XIRP2: variants seen among roughly 807,000 people sequenced by gnomAD.
XIRP2 encodes xin actin binding repeat containing 2.
XIRP2 carries 236 observed loss-of-function variants against 277.0 expected under a neutral mutation model. The observed-to-expected ratio is 0.85, with a 90% CI of 0.77 to 0.95. XIRP2 has a LOEUF of 0.95. Among genes scored for constraint, XIRP2 ranks in the 40% least tolerant of loss-of-function variants. The pLI, the probability that XIRP2 is intolerant of heterozygous loss-of-function variation, is 0.00. For missense variants in XIRP2, 4,640 were observed against 4,157.5 expected (o/e 1.12, Z -3.19); for synonymous variants, 1,490 against 1,416.5 (o/e 1.05, Z -1.17).
intron 2 of XIRP2, among the ~76,000 whole-genome samples, chr2:167,029,804 G>A (rs1259495586): frequency 1.3e-5 from 2 of 152,056 alleles, no homozygotes; most frequent in Non-Finnish European, 2.9e-5. Flanking sequence ...TTGTACCTCT[G>A]GTAGAATTCG....
At chr2:167,121,312 T>C (rs1391496898) in intron 2 of XIRP2, among the ~76,000 whole-genome samples, 1 of 152,154 alleles carries the variant, frequency 6.6e-6, no homozygotes, top group African/African-American at 2.4e-5. Flanking sequence ...AGTATGATCG[T>C]TTGAATACAG....
chr2:167,230,699 C>T (rs1459221229), intron 5 of XIRP2, among the ~76,000 whole-genome samples: 1 of 152,040 alleles, frequency 6.6e-6, no homozygotes, highest in African/African-American at 2.4e-5. Flanking sequence ...TTGAAATCAA[C>T]ATGTAGAATG....
At chr2:167,176,867 A>T (rs1318034054) in intron 3 of XIRP2, among the ~76,000 whole-genome samples, 1 of 152,188 alleles carries the variant, frequency 6.6e-6, no homozygotes, top group Non-Finnish European at 1.5e-5. Context: ...CTCCTTTCAG[A>T]CTTCCAGAGA....
chr2:167,258,929 C>G lies in XIRP2; in HGVS notation c.*1112C>G, dbSNP rs758610656. 1 of 1,612,972 alleles carries G rather than the reference C, an allele frequency of 6.2e-7. No homozygotes were observed. Among genetic ancestry groups the G allele is most frequent in the African/African-American group, 1.3e-5 (1 of 74,832 alleles). On this transcript the variant is annotated 3_prime_UTR_variant, in exon 11 of 11. Coordinates refer to ENST00000409195, the MANE Select transcript of XIRP2 (RefSeq NM_152381.6). Reference sequence around the variant, plus strand: ...AGCAGCTGCTGGCAGTCCTGTGCAGCCTGCTCCAAAACCAAGCCTCAGCAG... The same window carrying G: ...AGCAGCTGCTGGCAGTCCTGTGCAGGCTGCTCCAAAACCAAGCCTCAGCAG...
At chr2:167,058,759 G>A (rs946579915) in intron 2 of XIRP2, among the ~76,000 whole-genome samples, 4 of 152,170 alleles carry the variant, frequency 2.6e-5, no homozygotes, top group African/African-American at 9.7e-5. Context: ...CCCCATTGAC[G>A]AAGGCAAGCA....
intron 1 of XIRP2, among the ~76,000 whole-genome samples, chr2:166,893,522 C>A (rs1396288142): frequency 6.6e-6 from 1 of 152,130 alleles, no homozygotes; most frequent in Non-Finnish European, 1.5e-5. Flanking sequence ...CACATGGCTA[C>A]ATCATTTCAT....
chr2:167,133,266 C>T (rs1691439186), intron 2 of XIRP2, among the ~76,000 whole-genome samples: 1 of 152,168 alleles, frequency 6.6e-6, no homozygotes, highest in Non-Finnish European at 1.5e-5. Context: ...GAGATTAAAG[C>T]AGATCACTGC....
chr2:167,192,358 T>C (rs1693371310), intron 3 of XIRP2, among the ~76,000 whole-genome samples: 1 of 152,188 alleles, frequency 6.6e-6, no homozygotes, highest in Non-Finnish European at 1.5e-5. Flanking sequence ...TCTCTGTCGT[T>C]GATTTTGTGT....
chr2:166,938,177 T>A (rs930208779), intron 2 of XIRP2, among the ~76,000 whole-genome samples: 10 of 152,206 alleles, frequency 6.6e-5, no homozygotes, highest in African/African-American at 1.9e-4. Context: ...GTTCTTTTAG[T>A]TGTGATGTTA....
At chr2:167,043,270 A>G (rs1313840816) in intron 2 of XIRP2, among the ~76,000 whole-genome samples, 1 of 152,134 alleles carries the variant, frequency 6.6e-6, no homozygotes, top group Non-Finnish European at 1.5e-5. Flanking sequence ...CACACATAGA[A>G]GAACTAGGAA....
chr2:167,092,168 C>T (rs946639354), intron 2 of XIRP2, among the ~76,000 whole-genome samples: 2 of 152,028 alleles, frequency 1.3e-5, no homozygotes, highest in African/African-American at 2.4e-5. Context: ...AAGTAAATTC[C>T]GAATTAGTTC....
chr2:167,210,599 A>G (rs549842981), intron 3 of XIRP2, 136 bp from the exon 4 acceptor site: 1 of 1,194,052 alleles, frequency 8.4e-7, no homozygotes, highest in African/African-American at 1.5e-5. Context: ...TGACCATGAG[A>G]CATTGAAAAT....
chr2:167,057,763 C>T (rs1242972973), intron 2 of XIRP2, among the ~76,000 whole-genome samples: 1 of 152,056 alleles, frequency 6.6e-6, no homozygotes, highest in Non-Finnish European at 1.5e-5. Flanking sequence ...TCTGCTTGGT[C>T]AGAAGTAAAG....
intron 3 of XIRP2, among the ~76,000 whole-genome samples, chr2:167,160,854 G>A (rs1232278805): frequency 2.0e-5 from 3 of 152,150 alleles, no homozygotes; most frequent in Non-Finnish European, 4.4e-5. Context: ...ACAATCCAAA[G>A]TCTCATCTGA....
chr2:167,053,538 A>G (rs939338735), intron 2 of XIRP2, among the ~76,000 whole-genome samples: 1 of 152,152 alleles, frequency 6.6e-6, no homozygotes, highest in Non-Finnish European at 1.5e-5. Flanking sequence ...TCTAATGAAA[A>G]TGGGATGATG....
chr2:167,130,756 C>A (rs945592441), intron 2 of XIRP2, among the ~76,000 whole-genome samples: 2 of 151,910 alleles, frequency 1.3e-5, no homozygotes, highest in African/African-American at 4.8e-5. Context: ...TGTACCTGGT[C>A]TCTCCCTGCC....
chr2:167,006,194 G>A (rs370659351), intron 2 of XIRP2, among the ~76,000 whole-genome samples: 2 of 151,720 alleles, frequency 1.3e-5, no homozygotes, highest in African/African-American at 2.4e-5. Flanking sequence ...AAGACATTTC[G>A]AGGAGCTTTG....
chr2:166,937,259 G>A lies in XIRP2; in HGVS notation c.408+33369G>A, dbSNP rs530449396. Among the ~76,000 whole-genome samples, 11 of 152,208 alleles carry A rather than the reference G, an allele frequency of 7.2e-5. No homozygotes were observed. The South Asian group carries it at 1.5e-3, about 20-fold the overall frequency. ...CATAGCTCTTATTATTTTGAGATAC[G>A]TCCATCAACACCTAATTTATTGAGA... is the stretch of plus-strand genomic sequence containing the variant. On this transcript the variant is annotated intron_variant, in intron 2 of 10. Transcript: ENST00000409195.
intron 2 of XIRP2, among the ~76,000 whole-genome samples, chr2:166,924,476 G>A (rs1008949588): frequency 6.6e-6 from 1 of 151,724 alleles, no homozygotes; most frequent in Non-Finnish European, 1.5e-5. Context: ...TTTTATAACT[G>A]CTAATTTTTT....
Sources: gnomAD v4.1 joint callset for allele counts (sites outside exome capture counted in the v4.1 genomes callset) on GRCh38, gnomAD v4.1.1 for gene constraint, MANE v1.5 for transcripts, NCBI Gene and HGNC (gene_info 2026-07-23, HGNC 2026-07-21) for gene names.